ARHGEF7: variants seen among roughly 807,000 people sequenced by gnomAD.
ARHGEF7 encodes the protein PAK-interacting exchange factor beta.
In ARHGEF7, 33 loss-of-function variants were observed where a neutral mutation model predicts 109.8. That is an observed-to-expected ratio of 0.30 (90% CI 0.23 to 0.40). The LOEUF is 0.40. ARHGEF7 is among the 10% of genes least tolerant of loss of function. ARHGEF7 has a pLI of 1.00. For synonymous variants in ARHGEF7, 458 were observed against 424.6 expected, an observed-to-expected ratio of 1.08 and a Z score of -0.97; for missense variants, 938 against 1,098.5, an observed-to-expected ratio of 0.85 and a Z score of 2.07.
chr13:111,300,941 C>A, intron 20 of ARHGEF7, 94 bp downstream of exon 20: 1 of 687,746 alleles, frequency 1.5e-6, no homozygotes, highest in Non-Finnish European at 2.4e-6. Flanking sequence ...GGTATGGCTT[C>A]AGAAGCTTCA....
At chr13:111,215,609 A>G (rs528426149) in intron 4 of ARHGEF7, among the ~76,000 whole-genome samples, 3 of 152,204 alleles carry the variant, frequency 2.0e-5, no homozygotes, top group East Asian at 1.9e-4. Context: ...TACCTTTCTA[A>G]TATTTTGTTT....
intron 15 of ARHGEF7, chr13:111,282,915 G>A (rs1017781427): frequency 1.5e-6 from 1 of 651,440 alleles, no homozygotes; most frequent in Non-Finnish European, 2.6e-6. Flanking sequence ...CCTGTCTGGG[G>A]CAGACGCCGT....
intron 2 of ARHGEF7, among the ~76,000 whole-genome samples, chr13:111,201,339 G>A (rs1283086918): frequency 6.6e-6 from 1 of 152,102 alleles, no homozygotes; most frequent in East Asian, 1.9e-4. Flanking sequence ...CCTAAACAGT[G>A]CCAGCTACAA....
chr13:111,153,864 C>T, intron 1 of ARHGEF7, 41 bp from the exon 2 acceptor site: 1 of 1,578,672 alleles, frequency 6.3e-7, no homozygotes, highest in South Asian at 1.1e-5. Flanking sequence ...GGCGTCCCCG[C>T]TGCCGGCCAC....
At chr13:111,143,202 G>C (rs1437813570) in intron 1 of ARHGEF7, among the ~76,000 whole-genome samples, 1 of 152,188 alleles carries the variant, frequency 6.6e-6, no homozygotes, top group Admixed American at 6.5e-5. Context: ...TAGGACATTG[G>C]GTTATTGGTG....
chr13:111,290,139 A>AT (rs1049056944), intron 18 of ARHGEF7, among the ~76,000 whole-genome samples: 13 of 152,224 alleles, frequency 8.5e-5, no homozygotes, highest in African/African-American at 3.1e-4. Context: ...TGAATTTGAG[A>AT]TTTTTTTGTC....
At chr13:111,242,704 CAG>C (rs1473747023) in intron 6 of ARHGEF7, among the ~76,000 whole-genome samples, 4 of 152,234 alleles carry the variant, frequency 2.6e-5, no homozygotes. Context: ...CCAAAGAAGA[CAG>C]TGTGGTGCGG....
intron 8 of ARHGEF7, among the ~76,000 whole-genome samples, chr13:111,265,124 C>CAAAAAAAA (rs976877106): frequency 2.9e-5 from 2 of 69,464 alleles, no homozygotes; most frequent in African/African-American, 5.8e-5. Context: ...AACTCCATCT[C>CAAAAAAAA]AAAAAAAAAA....
intron 2 of ARHGEF7, among the ~76,000 whole-genome samples, chr13:111,176,981 T>A (rs2078228171): frequency 6.6e-6 from 1 of 152,248 alleles, no homozygotes; most frequent in African/African-American, 2.4e-5. Flanking sequence ...GTTCTTGAAC[T>A]CCTGACCACA....
At chr13:111,147,680 C>CA (rs1430982635) in intron 1 of ARHGEF7, among the ~76,000 whole-genome samples, 2 of 148,834 alleles carry the variant, frequency 1.3e-5, no homozygotes, top group African/African-American at 2.5e-5. Flanking sequence ...CCTTCCAACT[C>CA]AGAGGTCACC....
intron 2 of ARHGEF7, among the ~76,000 whole-genome samples, chr13:111,185,763 T>A (rs1003476550): frequency 2.0e-5 from 3 of 152,164 alleles, no homozygotes; most frequent in Non-Finnish European, 4.4e-5. Context: ...GCTGTGTGTG[T>A]GTACGTGGTG....
chr13:111,133,735 TG>T (rs1787993088), intron 1 of ARHGEF7, among the ~76,000 whole-genome samples: 1 of 140,034 alleles, frequency 7.1e-6, no homozygotes, highest in Admixed American at 7.3e-5. Flanking sequence ...TTCGTAGGAC[TG>T]GGATGGGGCA....
At chr13:111,287,920 G>A (rs1567094224) in intron 17 of ARHGEF7, among the ~76,000 whole-genome samples, 1 of 152,248 alleles carries the variant, frequency 6.6e-6, no homozygotes, top group African/African-American at 2.4e-5. Context: ...AGAGTTGTCG[G>A]CCTTTTGTTT....
intron 6 of ARHGEF7, chr13:111,241,124 C>T (rs140583995): frequency 1.6e-5 from 24 of 1,518,062 alleles, no homozygotes; most frequent in South Asian, 7.5e-5. Context: ...CTCCATGCCT[C>T]GTGACCCCCG....
Position 111,280,589 on chromosome 13 carries a change from A to G in ARHGEF7, c.1637A>G (p.Gln546Arg). ...LVSCNNQQDL[Q>R]EWVEHLQKQT... Reference sequence around the variant, plus strand: ...TCGTGCAACAACCAGCAGGATCTGCAGGAATGGGTGGAGCACCTACAGAAG... The same window carrying G: ...TCGTGCAACAACCAGCAGGATCTGCGGGAATGGGTGGAGCACCTACAGAAG... The change falls in exon 15 of 22, where the codon CAG becomes CGG. Residue 546 changes from glutamine (Q) to arginine (R), a missense_variant. Physicochemically the swap from Gln to Arg is conservative, Grantham distance 43. Coordinates refer to ENST00000646102, the MANE Select transcript of ARHGEF7 (RefSeq NM_001354046.2). 6.2e-7 allele frequency: 1 copy of G among 1,613,006 alleles called. No homozygotes were observed. Among genetic ancestry groups the G allele is most frequent in the Non-Finnish European group, 8.5e-7 (1 of 1,179,596 alleles).
chr13:111,117,887 A>G (rs1350472022), intron 1 of ARHGEF7, among the ~76,000 whole-genome samples: 1 of 152,226 alleles, frequency 6.6e-6, no homozygotes, highest in African/African-American at 2.4e-5. Flanking sequence ...TGGTGTTTTC[A>G]TGCTTACCAG....
intron 8 of ARHGEF7, among the ~76,000 whole-genome samples, chr13:111,253,405 T>G (rs2090028054): frequency 6.6e-6 from 1 of 152,196 alleles, no homozygotes; most frequent in Non-Finnish European, 1.5e-5. Context: ...TAAATTCTGT[T>G]GAAAATAGAA....
chr13:111,132,427 CTCTCTGCTGAG>C (rs2074802981), intron 1 of ARHGEF7, among the ~76,000 whole-genome samples: 1 of 152,218 alleles, frequency 6.6e-6, no homozygotes, highest in Non-Finnish European at 1.5e-5. Context: ...AAACTAGCTG[CTCTCTGCTGAG>C]TCTCTGTTTT....
intron 5 of ARHGEF7, among the ~76,000 whole-genome samples, chr13:111,221,561 A>ATATATATC (rs1448805279): frequency 6.4e-5 from 3 of 46,586 alleles, no homozygotes; most frequent in Non-Finnish European, 1.2e-4. Flanking sequence ...CTATATATCT[A>ATATATATC]TATATATAGA....
Sources: allele counts gnomAD v4.1 joint callset (sites outside exome capture counted in the v4.1 genomes callset), GRCh38; gene constraint gnomAD v4.1.1; transcripts MANE v1.5; gene names NCBI Gene and HGNC (gene_info 2026-07-23, HGNC 2026-07-21).